ADAM12: variants seen among roughly 807,000 people sequenced by gnomAD.
The protein encoded by ADAM12 is ADAM metallopeptidase domain 12, also known as disintegrin and metalloproteinase domain-containing protein 12.
ADAM12 carries 70 observed loss-of-function variants against 106.4 expected under a neutral mutation model. The observed-to-expected ratio is 0.66, with a 90% CI of 0.54 to 0.80. The LOEUF is 0.80. Among genes scored for constraint, ADAM12 ranks in the 30% least tolerant of loss-of-function variants. The pLI is 0.00. For missense variants in ADAM12, 1,010 were observed against 1,171.9 expected (o/e 0.86, Z 2.02); for synonymous variants, 420 against 433.5 (o/e 0.97, Z 0.39).
At position 126,139,185 on chromosome 10, in the gene ADAM12, A is replaced by G. The variant is rs140317785; in HGVS notation, c.340-3525T>C. Among the ~76,000 whole-genome samples the G allele has an allele frequency of 1.5e-3, 225 of 152,300 alleles. 1 individual carries two copies. In the East Asian group the frequency reaches 0.037, roughly 25 times the overall value. On this transcript the variant is annotated intron_variant, in intron 4 of 22. Transcript: ENST00000448723. ...TGGGAAGAACTTATATTTTCATAAT[A>G]AACCGCTTGCCTATTCATGTACATG...
chr10:126,228,939 G>C (rs190241755), intron 3 of ADAM12, among the ~76,000 whole-genome samples: 14 of 152,344 alleles, frequency 9.2e-5, no homozygotes, highest in Non-Finnish European at 1.5e-4. Context: ...CTTACTGGCA[G>C]TGTGTACAGA....
intron 12 of ADAM12, chr10:126,070,350 T>C (rs1375092634): frequency 6.6e-6 from 1 of 152,236 alleles, no homozygotes; most frequent in African/African-American, 2.4e-5. Context: ...AAACCACTTC[T>C]ACATCACATC....
intron 4 of ADAM12, among the ~76,000 whole-genome samples, chr10:126,142,354 T>A (rs981522437): frequency 1.3e-5 from 2 of 152,344 alleles, no homozygotes; most frequent in East Asian, 3.9e-4. Context: ...GATTGTAGAT[T>A]AACTAAAAGT....
chr10:126,016,216 CATAA>C lies in ADAM12; in HGVS notation c.*1059_*1062del, dbSNP rs1953658730. The stretch of plus-strand genomic sequence containing the variant: ...TTCCATTGGTTGTAGTTTTTGCAAG[CATAA>C]AGAGTCTGCCTAATTGTTAATAAGT... On this transcript the variant is annotated 3_prime_UTR_variant, in exon 23 of 23. Coordinates refer to ENST00000448723, the MANE Select transcript of ADAM12 (RefSeq NM_001288973.2). The C allele has an allele frequency of 6.6e-6, 1 of 151,720 alleles. No individual in the cohort carries two copies. Among genetic ancestry groups the C allele is most frequent in the African/African-American group, 2.4e-5 (1 of 41,048 alleles). 9.4% of individuals were successfully genotyped at this position (151,720 alleles called of 1,614,324 possible). A position where few individuals can be genotyped will look rare whatever the true frequency, so the allele number is the denominator to read the frequency against.
intron 21 of ADAM12, among the ~76,000 whole-genome samples, chr10:126,021,012 AAT>A (rs1953756469): frequency 6.7e-6 from 1 of 149,380 alleles, no homozygotes; most frequent in Non-Finnish European, 1.5e-5. Flanking sequence ...AAAAAAAAAA[AAT>A]GTAAGAACAC....
intron 2 of ADAM12, among the ~76,000 whole-genome samples, chr10:126,310,158 CA>C (rs35363888): frequency 0.37 from 36,894 of 100,434 alleles, 4,343 homozygotes; most frequent in Middle Eastern, 0.4. Context: ...GACTCTGTCT[CA>C]AAAAAAAAAA....
intron 8 of ADAM12, among the ~76,000 whole-genome samples, chr10:126,103,468 G>C (rs1955705980): frequency 6.6e-6 from 1 of 152,162 alleles, no homozygotes; most frequent in Admixed American, 6.5e-5. Context: ...GCTTAATCCT[G>C]AAAACAACTC....
In ADAM12 at chr10:126,258,150, C is replaced by A. The variant is rs543637543; in HGVS notation, c.260+20765G>T. On this transcript the variant is annotated intron_variant, in intron 3 of 22. Coordinates refer to ENST00000448723, the MANE Select transcript of ADAM12 (RefSeq NM_001288973.2). Reference sequence around the variant, plus strand: ...CTGTCTACTGACAATATTTAATTGGCCAATTCAGGCACACATTTAAAATAA... The same window carrying A: ...CTGTCTACTGACAATATTTAATTGGACAATTCAGGCACACATTTAAAATAA... 5.3e-5 allele frequency among the ~76,000 whole-genome samples: 8 copies of A among 152,282 alleles called. No homozygotes were observed. The East Asian group carries it at 1.5e-3, about 29-fold the overall frequency.
At chr10:126,258,656 G>A (rs529461892) in intron 3 of ADAM12, among the ~76,000 whole-genome samples, 2 of 152,038 alleles carry the variant, frequency 1.3e-5, no homozygotes, top group Admixed American at 1.3e-4. Flanking sequence ...CCTGGCATTC[G>A]GCCAGAGCCT....
In ADAM12 at chr10:126,053,080, G is replaced by T. The variant is rs1354025010; in HGVS notation, c.1610-3411C>A. 6.6e-6 allele frequency among the ~76,000 whole-genome samples: 1 copy of T among 152,082 alleles called. No individual in the cohort carries two copies. Among genetic ancestry groups the T allele is most frequent in the Non-Finnish European group, 1.5e-5 (1 of 68,018 alleles). On this transcript the variant is annotated intron_variant, in intron 14 of 22. Coordinates refer to ENST00000448723, the MANE Select transcript of ADAM12 (RefSeq NM_001288973.2). The surrounding 1 kb of genome is among the most constrained non-coding windows in gnomAD (Gnocchi z 4.6). The stretch of plus-strand genomic sequence containing the variant: ...TTCTTGGGATAGTGAGTTGAGATCT[G>T]GTCGTTTAAAAGTGTGTGGCACCTC...
intron 6 of ADAM12, among the ~76,000 whole-genome samples, chr10:126,116,956 G>A (rs1252004591): frequency 2.6e-5 from 4 of 152,186 alleles, no homozygotes; most frequent in Non-Finnish European, 5.9e-5. Context: ...GTGGTCTACT[G>A]AAATTCAAGT....
chr10:126,113,712 AT>A (rs1565067731), intron 6 of ADAM12, among the ~76,000 whole-genome samples: 1,389 of 90,134 alleles, frequency 0.015, 89 homozygotes, highest in East Asian at 0.076. Flanking sequence ...ATATATATAT[AT>A]ATATATATAT....
intron 3 of ADAM12, among the ~76,000 whole-genome samples, chr10:126,216,093 C>T (rs1957982726): frequency 6.6e-6 from 1 of 152,150 alleles, no homozygotes; most frequent in Admixed American, 6.5e-5. Context: ...AGCTTTTGCT[C>T]ACAGCTTGCT....
intron 1 of ADAM12, among the ~76,000 whole-genome samples, chr10:126,356,022 A>G (rs11599800): frequency 0.28 from 42,154 of 152,090 alleles, 6,029 homozygotes; most frequent in Middle Eastern, 0.33. Context: ...ACATTTTGGT[A>G]AAGAGCAAGA....
At chr10:126,345,507 G>A (rs1421041992) in intron 1 of ADAM12, among the ~76,000 whole-genome samples, 2 of 152,072 alleles carry the variant, frequency 1.3e-5, no homozygotes, top group Non-Finnish European at 2.9e-5. Context: ...GTCTCTGCCC[G>A]GCTTTGGTAT....
At chr10:126,180,934 A>T (rs1957301556) in intron 3 of ADAM12, among the ~76,000 whole-genome samples, 1 of 152,260 alleles carries the variant, frequency 6.6e-6, no homozygotes, top group African/African-American at 2.4e-5. Flanking sequence ...AGTCTGAAGG[A>T]GGAAAGTTCA....
At chr10:126,358,814 TAAAC>T (rs1293466746) in intron 1 of ADAM12, among the ~76,000 whole-genome samples, 1 of 151,934 alleles carries the variant, frequency 6.6e-6, no homozygotes, top group Non-Finnish European at 1.5e-5. Flanking sequence ...GGATACAAAA[TAAAC>T]AAAAAAATCA....
chr10:126,136,299 C>T (rs1052723508), intron 4 of ADAM12, among the ~76,000 whole-genome samples: 1 of 152,184 alleles, frequency 6.6e-6, no homozygotes, highest in Non-Finnish European at 1.5e-5. Flanking sequence ...AGCACAGACA[C>T]TTCCTTAGTG....
intron 1 of ADAM12, among the ~76,000 whole-genome samples, chr10:126,383,748 A>G (rs1036239814): frequency 6.6e-6 from 1 of 152,176 alleles, no homozygotes; most frequent in Non-Finnish European, 1.5e-5. Flanking sequence ...TTATACCTAA[A>G]CAAACTAGCA....
Sources: allele counts gnomAD v4.1 joint callset (sites outside exome capture counted in the v4.1 genomes callset), GRCh38; gene constraint gnomAD v4.1.1; non-coding constraint Gnocchi (gnomAD v3.1); transcripts MANE v1.5; gene names NCBI Gene and HGNC (gene_info 2026-07-23, HGNC 2026-07-21).